Variants in SOS1 observed in about 807,000 individuals in gnomAD.
SOS1 encodes son of sevenless homolog 1.
Under a neutral mutation model 157.6 loss-of-function variants are expected in SOS1, and 25 were observed. That is an observed-to-expected ratio of 0.16 (90% CI 0.12 to 0.22). The LOEUF is 0.22. Among genes scored for constraint, SOS1 ranks in the 10% least tolerant of loss-of-function variants. SOS1 has a pLI of 1.00. For synonymous variants in SOS1, 528 were observed against 534.0 expected, an observed-to-expected ratio of 0.99 and a Z score of 0.16; for missense variants, 1,237 against 1,599.1, an observed-to-expected ratio of 0.77 and a Z score of 3.86.
intron 14 of SOS1, among the ~76,000 whole-genome samples, chr2:39,011,407 A>G (rs1319680920): frequency 5.3e-5 from 8 of 152,122 alleles, no homozygotes; most frequent in South Asian, 2.1e-4. Flanking sequence ...ACAGTAATCA[A>G]TGCATTCACA....
At chr2:39,036,723 G>A (rs1195463647) in intron 6 of SOS1, among the ~76,000 whole-genome samples, 3 of 151,866 alleles carry the variant, frequency 2.0e-5, no homozygotes, top group East Asian at 1.9e-4. Flanking sequence ...ACAGGCATCC[G>A]CCACCACGCC....
At chr2:38,987,284 A>G (rs558763923) in intron 22 of SOS1, among the ~76,000 whole-genome samples, 189 bp downstream of exon 22, 1 of 152,292 alleles carries the variant, frequency 6.6e-6, no homozygotes, top group South Asian at 2.1e-4. Flanking sequence ...TTGAATGCAT[A>G]CCAAAAAACT....
At chr2:39,084,087 G>C (rs1672294550) in intron 1 of SOS1, among the ~76,000 whole-genome samples, 1 of 152,084 alleles carries the variant, frequency 6.6e-6, no homozygotes, top group African/African-American at 2.4e-5. Flanking sequence ...AAGCCAAGGA[G>C]AGAGACCTCA....
rs56360279 is a variant in SOS1, at chr2:39,120,546, G to A, written c.-124C>T. The A allele has an allele frequency of 4.8e-4, 515 of 1,067,364 alleles. 18 individuals carry two copies. In the East Asian group the frequency reaches 0.03, roughly 63 times the overall value. 66.1% of individuals were successfully genotyped at this position (1,067,364 alleles called of 1,614,324 possible). A position where few individuals can be genotyped will look rare whatever the true frequency, so the allele number is the denominator to read the frequency against. On this transcript the variant is annotated 5_prime_UTR_variant, in exon 1 of 23. Coordinates refer to ENST00000402219, the MANE Select transcript of SOS1 (RefSeq NM_005633.4). ...CCCACCGGACGGCCCGGCCCCCTCC[G>A]GGCGCCGCGCAGCCGGGCTAGCCCT...
intron 1 of SOS1, among the ~76,000 whole-genome samples, chr2:39,076,895 A>G (rs1368707141): frequency 6.6e-6 from 1 of 152,224 alleles, no homozygotes; most frequent in African/African-American, 2.4e-5. Context: ...AAATTACAAG[A>G]GTTAATAAGT....
At chr2:39,079,865 C>T (rs1672140828) in intron 1 of SOS1, among the ~76,000 whole-genome samples, 1 of 151,990 alleles carries the variant, frequency 6.6e-6, no homozygotes, top group Non-Finnish European at 1.5e-5. Flanking sequence ...AACCAGCAGT[C>T]TCCAACCTTC....
intron 1 of SOS1, among the ~76,000 whole-genome samples, chr2:39,098,894 A>T (rs1318979060): frequency 6.6e-6 from 1 of 152,220 alleles, no homozygotes; most frequent in African/African-American, 2.4e-5. Flanking sequence ...ACCTCAAAAA[A>T]AAAATATTCT....
chr2:39,054,429 T>C (rs1378410575), intron 5 of SOS1, among the ~76,000 whole-genome samples, 185 bp downstream of exon 5: 3 of 152,230 alleles, frequency 2.0e-5, no homozygotes, highest in Non-Finnish European at 2.9e-5. Flanking sequence ...ACTTTGTATT[T>C]TGTCTCTTAA....
rs543290179 is a variant in SOS1 at position 39,060,666 on chromosome 2, C to G, written c.214-1862G>C. ...TCTTGAACTCCTGACCTCAGGTGAT[C>G]CACCCACCTCAGCCTCCCAGAGTGC... On this transcript the variant is annotated intron_variant, in intron 2 of 22. Coordinates refer to ENST00000402219, the MANE Select transcript of SOS1 (RefSeq NM_005633.4). Among the ~76,000 whole-genome samples, 3 of 152,220 alleles carry G rather than the reference C, an allele frequency of 2.0e-5. No individual in the cohort carries two copies. The South Asian group carries it at 6.2e-4, about 32-fold the overall frequency.
At chr2:38,990,293 A>G (rs956258668) in intron 20 of SOS1, among the ~76,000 whole-genome samples, 1 of 152,110 alleles carries the variant, frequency 6.6e-6, no homozygotes, top group African/African-American at 2.4e-5. Context: ...CCTAATTTCA[A>G]ATAATCTGTC....
chr2:39,106,653 TTTAAA>T (rs59302074), intron 1 of SOS1, among the ~76,000 whole-genome samples: 10,339 of 148,322 alleles, frequency 0.07, 1,534 homozygotes, highest in African/African-American at 0.26. Flanking sequence ...AAACCAAATC[TTTAAA>T]TTACTTATTT....
chr2:39,035,335 T>A (rs746086202), intron 7 of SOS1, 25 bp from the exon 8 acceptor site: 1 of 1,607,892 alleles, frequency 6.2e-7, no homozygotes, highest in Non-Finnish European at 8.5e-7. Context: ...GATTTAATTT[T>A]TTTTTTAAGT....
Position 39,054,774 on chromosome 2 carries a change from G to T in SOS1, c.560C>A (p.Ser187Tyr), listed in dbSNP as rs730881038. 1.9e-6 allele frequency: 3 copies of T among 1,574,880 alleles called. No homozygotes were observed. The East Asian group carries it at 6.7e-5, about 35-fold the overall frequency. The change falls in exon 5 of 23, where the codon TCT becomes TAT. Residue 187 changes from serine to tyrosine, a missense_variant. Physicochemically the swap from Ser to Tyr is moderately radical, Grantham distance 144 (BLOSUM62 -2). This residue lies in a region of SOS1 where 108 missense variants were observed against 115.3 expected (regional missense o/e 0.94). Coordinates refer to ENST00000402219, the MANE Select transcript of SOS1 (RefSeq NM_005633.4). ...HQDVEDINIL[S>Y]LTDEEPSTSG... Reference sequence around the variant, plus strand: ...GGTGGAAGGCTCTTCGTCAGTTAAAGATAATATATTAATATCTTCTACATC... The same window carrying T: ...GGTGGAAGGCTCTTCGTCAGTTAAATATAATATATTAATATCTTCTACATC...
At chr2:39,025,018 A>G (rs1273345168) in intron 8 of SOS1, among the ~76,000 whole-genome samples, 1 of 152,236 alleles carries the variant, frequency 6.6e-6, no homozygotes, top group African/African-American at 2.4e-5. Flanking sequence ...TAAGGTGGCT[A>G]TGATTCAAGC....
chr2:39,067,856 T>C, intron 1 of SOS1, 103 bp from the exon 2 acceptor site: 2 of 972,348 alleles, frequency 2.1e-6, no homozygotes, highest in Non-Finnish European at 3.2e-6. Context: ...CGGTGGCTCA[T>C]GCCTGTAATG....
At chr2:39,038,462 G>C (rs531290355) in intron 6 of SOS1, among the ~76,000 whole-genome samples, 1 of 151,962 alleles carries the variant, frequency 6.6e-6, no homozygotes, top group East Asian at 1.9e-4. Flanking sequence ...TTGGCTGGGC[G>C]CGGTGGCTCA....
chr2:39,025,710 T>G (rs13031871), intron 8 of SOS1, among the ~76,000 whole-genome samples: 118,713 of 152,022 alleles, frequency 0.78, 49,286 homozygotes, highest in Non-Finnish European at 0.92. Context: ...ATTAGTACTT[T>G]AAGGATTTTG....
At chr2:38,992,807 T>C (rs571634454) in intron 20 of SOS1, 7 of 152,356 alleles carry the variant, frequency 4.6e-5, no homozygotes, top group African/African-American at 1.7e-4. Flanking sequence ...TTAAGTCAGA[T>C]ATACTGAAAA....
At position 39,054,731 on chromosome 2, in the gene SOS1, G is replaced by A. The variant is rs1276661549; in HGVS notation, c.603C>T (p.Tyr201=). 6.3e-7 allele frequency: 1 copy of A among 1,593,654 alleles called. No homozygotes were observed. The highest frequency in any genetic ancestry group is 8.6e-7 in the Non-Finnish European group (1 of 1,161,554). The change falls in exon 5 of 23, where the codon TAC becomes TAT. Residue 201 remains tyrosine, a synonymous_variant. Transcript: ENST00000402219. ...CCATAAATGCTTTTACCAAATCATAGTAAGTTTGTTCTCCTGAGGTGGAAG... is the reference window on the plus strand; with the variant it reads ...CCATAAATGCTTTTACCAAATCATAATAAGTTTGTTCTCCTGAGGTGGAAG... ...EEPSTSGEQT[Y]YDLVKAFMAE...
Sources: allele counts gnomAD v4.1 joint callset (sites outside exome capture counted in the v4.1 genomes callset), GRCh38; gene constraint gnomAD v4.1.1; regional missense constraint gnomAD v4.1.1; transcripts MANE v1.5; gene names NCBI Gene and HGNC (gene_info 2026-07-23, HGNC 2026-07-21).